LY86: variants seen among roughly 807,000 people sequenced by gnomAD.
The protein encoded by LY86 is MD-1, RP105-associated.
Under a neutral mutation model 17.3 loss-of-function variants are expected in LY86, and 20 were observed. The ratio of observed to expected loss-of-function variants is 1.15; its 90% CI spans 0.81 to 1.68. The LOEUF is 1.68. Among genes scored for constraint, LY86 ranks in the 40% most tolerant of loss-of-function variants. The pLI is 0.00. For synonymous variants in LY86, 74 were observed against 70.6 expected (o/e 1.05, Z -0.24); for missense variants, 200 against 191.9 (o/e 1.04, Z -0.25).
chr6:6,624,000 A>G (rs1424803975), intron 1 of LY86, among the ~76,000 whole-genome samples: 1 of 152,202 alleles, frequency 6.6e-6, no homozygotes, highest in African/African-American at 2.4e-5. Flanking sequence ...GAAGCAAGAG[A>G]ATATATGGGG....
chr6:6,603,603 CAGAA>C lies in LY86; in HGVS notation c.136+14735_136+14738del, dbSNP rs1408193180. ...CCAAAGCCAAAAACAAAAACAGAAACAGAAAAAAAAACAAACAAAAAAAAACAAA... is the reference window on the plus strand; with the variant it reads ...CCAAAGCCAAAAACAAAAACAGAAACAAAAAAACAAACAAAAAAAAACAAA... On this transcript the variant is annotated intron_variant, in intron 1 of 4. Transcript: ENST00000230568. 1.5e-3 allele frequency among the ~76,000 whole-genome samples: 103 copies of C among 70,450 alleles called. 2 individuals are homozygous for C. Among genetic ancestry groups the C allele is most frequent in the Middle Eastern group, 0.023 (2 of 88 alleles). The allele number at this position is 70,450 out of a possible 152,430, so 46.2% of individuals were successfully genotyped here.
chr6:6,601,794 G>A (rs1279199337), intron 1 of LY86, among the ~76,000 whole-genome samples: 1 of 152,204 alleles, frequency 6.6e-6, no homozygotes, highest in Non-Finnish European at 1.5e-5. Context: ...TCTAAAGAGG[G>A]AAACTGCTGT....
intron 1 of LY86, among the ~76,000 whole-genome samples, chr6:6,596,555 A>G (rs1340144295): frequency 6.6e-6 from 1 of 152,254 alleles, no homozygotes; most frequent in African/African-American, 2.4e-5. Context: ...GCTAGAGAGA[A>G]AGATGCAATT....
At chr6:6,605,528 C>A (rs7742352) in intron 1 of LY86, among the ~76,000 whole-genome samples, 4 of 152,220 alleles carry the variant, frequency 2.6e-5, no homozygotes, top group African/African-American at 9.6e-5. Context: ...CTCCCCACAA[C>A]GCTACCCCAT....
At chr6:6,649,489 G>GGTCGCCGTATTATTA in intron 3 of LY86, 136 bp from the exon 4 acceptor site, 2 of 486,388 alleles carry the variant, frequency 4.1e-6, no homozygotes, top group South Asian at 3.6e-5. Context: ...ATCAGGAAAT[G>GGTCGCCGTATTATTA]AAAACATTTC....
At chr6:6,596,750 A>G (rs1581230090) in intron 1 of LY86, among the ~76,000 whole-genome samples, 1 of 152,230 alleles carries the variant, frequency 6.6e-6, no homozygotes, top group African/African-American at 2.4e-5. Flanking sequence ...CAAGCCACGT[A>G]GGTGTGTTCC....
chr6:6,602,867 A>T (rs1453231171), intron 1 of LY86, among the ~76,000 whole-genome samples: 3 of 152,178 alleles, frequency 2.0e-5, no homozygotes, highest in Non-Finnish European at 4.4e-5. Flanking sequence ...TCAAGCAAAG[A>T]GTTATAGGTG....
At chr6:6,644,984 G>A (rs1266282891) in intron 3 of LY86, among the ~76,000 whole-genome samples, 1 of 152,164 alleles carries the variant, frequency 6.6e-6, no homozygotes, top group Non-Finnish European at 1.5e-5. Flanking sequence ...AATTGAAACT[G>A]TAAACTGTAA....
At chr6:6,606,497 T>C (rs918315584) in intron 1 of LY86, among the ~76,000 whole-genome samples, 2 of 152,102 alleles carry the variant, frequency 1.3e-5, no homozygotes, top group Non-Finnish European at 2.9e-5. Context: ...GGGTGGTCGA[T>C]GGGACCGGGG....
chr6:6,590,957 AAG>A (rs1480816868), intron 1 of LY86, among the ~76,000 whole-genome samples: 1 of 152,100 alleles, frequency 6.6e-6, no homozygotes, highest in Non-Finnish European at 1.5e-5. Context: ...AAATAAGTAA[AAG>A]AGAATGAACG....
At chr6:6,626,563 T>C (rs1242110021) in intron 3 of LY86, 142 bp downstream of exon 3, 1 of 870,750 alleles carries the variant, frequency 1.1e-6, no homozygotes, top group Non-Finnish European at 1.8e-6. Context: ...TATCAGCATG[T>C]GTTGCAGAAA....
At chr6:6,633,892 T>TG (rs142762066) in intron 3 of LY86, among the ~76,000 whole-genome samples, 1 of 151,686 alleles carries the variant, frequency 6.6e-6, no homozygotes, top group African/African-American at 2.4e-5. Context: ...GTTAAATAAA[T>TG]TGTGTGTGTG....
At chr6:6,605,902 T>C (rs1761117072) in intron 1 of LY86, among the ~76,000 whole-genome samples, 1 of 152,186 alleles carries the variant, frequency 6.6e-6, no homozygotes, top group Non-Finnish European at 1.5e-5. Flanking sequence ...TTAGTCTCGC[T>C]GGCTTCAGGA....
In LY86 at chr6:6,654,790, C is replaced by A; in HGVS notation, c.*163C>A. On this transcript the variant is annotated 3_prime_UTR_variant, in exon 5 of 5. Transcript: ENST00000230568. Reference sequence around the variant, plus strand: ...TGCTAATTTTAGTCCCAGGACCAGACATCCCCAGACTCCACAGATGTAATG... The same window carrying A: ...TGCTAATTTTAGTCCCAGGACCAGAAATCCCCAGACTCCACAGATGTAATG... 1 of 612,722 alleles carries A rather than the reference C, an allele frequency of 1.6e-6. No homozygotes were observed. The highest frequency in any genetic ancestry group is 2.9e-6 in the Non-Finnish European group (1 of 344,938). 38.0% of individuals were successfully genotyped at this position (612,722 alleles called of 1,614,324 possible).
intron 1 of LY86, among the ~76,000 whole-genome samples, chr6:6,595,299 GAGA>G (rs75243309): frequency 0.071 from 10,664 of 149,998 alleles, 477 homozygotes; most frequent in African/African-American, 0.12. Context: ...GGAAGAAGAG[GAGA>G]AGGAGGAGGA....
chr6:6,627,660 T>C (rs1396226528), intron 3 of LY86, among the ~76,000 whole-genome samples: 1 of 152,192 alleles, frequency 6.6e-6, no homozygotes, highest in Non-Finnish European at 1.5e-5. Context: ...GAGCTCTGAA[T>C]ACAGACACAC....
intron 1 of LY86, among the ~76,000 whole-genome samples, chr6:6,618,032 G>T (rs111403473): frequency 8.5e-5 from 13 of 152,116 alleles, no homozygotes; most frequent in Non-Finnish European, 1.8e-4. Flanking sequence ...ATAGAGATGG[G>T]GTTTCACCAT....
chr6:6,605,910 G>A (rs560589302), intron 1 of LY86, among the ~76,000 whole-genome samples: 14 of 152,146 alleles, frequency 9.2e-5, no homozygotes, highest in East Asian at 1.9e-4. Context: ...GCTGGCTTCA[G>A]GAATGAAGCT....
rs79573207 is a variant in LY86 at position 6,601,018 on chromosome 6, A to C, written c.136+12148A>C. Among the ~76,000 whole-genome samples the C allele has an allele frequency of 3.9e-3, 601 of 152,330 alleles. 1 individual carries two copies. Among genetic ancestry groups the C allele is most frequent in the Middle Eastern group, 0.02 (6 of 294 alleles). On this transcript the variant is annotated intron_variant, in intron 1 of 4. Coordinates refer to ENST00000230568, the MANE Select transcript of LY86 (RefSeq NM_004271.4). ...GTAAATAAGTGCACACTTCCAAAAA[A>C]TACCTGAGGGGAAAACTGCCAGTGG...
Sources: gnomAD v4.1 joint callset for allele counts (sites outside exome capture counted in the v4.1 genomes callset) on GRCh38, gnomAD v4.1.1 for gene constraint, MANE v1.5 for transcripts, NCBI Gene and HGNC (gene_info 2026-07-23, HGNC 2026-07-21) for gene names.